The following CTNNA3 variants were observed in gnomAD, a reference collection of about 807,000 sequenced individuals.
CTNNA3 encodes catenin alpha 3, also known as catenin alpha-3.
CTNNA3 carries 76 observed loss-of-function variants against 95.7 expected under a neutral mutation model. That is an observed-to-expected ratio of 0.79 (90% CI 0.66 to 0.96). CTNNA3 has a LOEUF of 0.96. Among genes scored for constraint, CTNNA3 ranks in the 40% least tolerant of loss-of-function variants. The probability of loss-of-function intolerance (pLI) is 0.00; values close to 1 mark genes in which losing one functional copy is unlikely to be tolerated. For synonymous variants in CTNNA3, 431 were observed against 374.4 expected (o/e 1.15, Z -1.74); for missense variants, 1,191 against 1,089.8 (o/e 1.09, Z -1.31).
chr10:66,651,295 A>C (rs1845888063), intron 9 of CTNNA3, among the ~76,000 whole-genome samples: 1 of 152,284 alleles, frequency 6.6e-6, no homozygotes, highest in South Asian at 2.1e-4. Flanking sequence ...TGCATCCACA[A>C]ACCCTGAGCT....
chr10:66,756,353 A>G (rs1277393932), intron 9 of CTNNA3, among the ~76,000 whole-genome samples: 1 of 152,172 alleles, frequency 6.6e-6, no homozygotes, highest in Non-Finnish European at 1.5e-5. Context: ...TGATTTTGAA[A>G]ACTCAAATCT....
chr10:67,638,358 G>A (rs1318100116), intron 2 of CTNNA3, among the ~76,000 whole-genome samples: 2 of 152,120 alleles, frequency 1.3e-5, no homozygotes, highest in Non-Finnish European at 2.9e-5. Flanking sequence ...GATTCATAAA[G>A]CAAGTCCTTA....
chr10:67,496,103 T>C (rs1005119634), intron 5 of CTNNA3, among the ~76,000 whole-genome samples: 2 of 152,212 alleles, frequency 1.3e-5, no homozygotes, highest in Admixed American at 6.5e-5. Flanking sequence ...TAGTAGAAAG[T>C]ATTTACATAA....
At chr10:67,007,149 G>A (rs1852043384) in intron 7 of CTNNA3, among the ~76,000 whole-genome samples, 1 of 152,104 alleles carries the variant, frequency 6.6e-6, no homozygotes, top group African/African-American at 2.4e-5. Flanking sequence ...AGGTTCAAGA[G>A]CATTGTCAAT....
At chr10:66,068,824 C>T (rs1474436280) in intron 15 of CTNNA3, among the ~76,000 whole-genome samples, 2 of 152,152 alleles carry the variant, frequency 1.3e-5, no homozygotes, top group African/African-American at 4.8e-5. Context: ...AATATGCCCA[C>T]AATGTACATT....
At chr10:67,063,888 C>T (rs1855907108) in intron 7 of CTNNA3, among the ~76,000 whole-genome samples, 1 of 152,176 alleles carries the variant, frequency 6.6e-6, no homozygotes, top group African/African-American at 2.4e-5. Flanking sequence ...CTCTGGCCTC[C>T]TCTAGAAGGA....
intron 7 of CTNNA3, among the ~76,000 whole-genome samples, chr10:67,019,311 C>T (rs1003797407): frequency 2.0e-5 from 3 of 152,086 alleles, no homozygotes; most frequent in East Asian, 3.9e-4. Flanking sequence ...CTCTGCCTTC[C>T]GGGTCCAAGC....
chr10:66,033,127 C>T (rs1055633045), intron 15 of CTNNA3, among the ~76,000 whole-genome samples: 2 of 75,880 alleles, frequency 2.6e-5, no homozygotes, highest in African/African-American at 4.1e-5. Flanking sequence ...ATTTTTTTTT[C>T]TTTTTTTCTT....
chr10:67,643,658 A>C (rs111719265), intron 2 of CTNNA3, among the ~76,000 whole-genome samples: 9,422 of 151,694 alleles, frequency 0.062, 316 homozygotes, highest in South Asian at 0.1. Flanking sequence ...TACATTAGGT[A>C]TTTCTCCTAA....
At chr10:66,981,847 C>T (rs1297974181) in intron 7 of CTNNA3, among the ~76,000 whole-genome samples, 1 of 152,180 alleles carries the variant, frequency 6.6e-6, no homozygotes, top group Admixed American at 6.5e-5. Context: ...CATCTTCCTG[C>T]TGCTGCAGTG....
At chr10:66,324,991 G>C (rs1183206738) in intron 12 of CTNNA3, among the ~76,000 whole-genome samples, 1 of 151,862 alleles carries the variant, frequency 6.6e-6, no homozygotes, top group Non-Finnish European at 1.5e-5. Context: ...CTCAGCTGTG[G>C]AGAGAGGTCA....
At chr10:67,100,619 C>T (rs1589739285) in intron 7 of CTNNA3, among the ~76,000 whole-genome samples, 1 of 151,804 alleles carries the variant, frequency 6.6e-6, no homozygotes, top group Non-Finnish European at 1.5e-5. Context: ...ATTTAAACAA[C>T]TGAAATGTTT....
intron 7 of CTNNA3, among the ~76,000 whole-genome samples, chr10:66,881,991 T>G (rs1365848676): frequency 2.0e-5 from 3 of 152,058 alleles, no homozygotes; most frequent in Non-Finnish European, 2.9e-5. Flanking sequence ...ACAAATGACC[T>G]TCTCGAGTTG....
intron 3 of CTNNA3, among the ~76,000 whole-genome samples, chr10:67,577,066 C>G (rs1358376211): frequency 2.0e-5 from 3 of 150,640 alleles, no homozygotes; most frequent in Non-Finnish European, 4.4e-5. Context: ...TGGGTATATA[C>G]CCAGTAATGG....
intron 13 of CTNNA3, among the ~76,000 whole-genome samples, chr10:66,190,166 A>G (rs2086592884): frequency 6.6e-6 from 1 of 152,148 alleles, no homozygotes; most frequent in Non-Finnish European, 1.5e-5. Context: ...AGAATCTTGA[A>G]ATCAGTAGCA....
At chr10:66,551,727 T>G (rs569110406) in intron 10 of CTNNA3, among the ~76,000 whole-genome samples, 3 of 152,032 alleles carry the variant, frequency 2.0e-5, no homozygotes, top group Non-Finnish European at 4.4e-5. Flanking sequence ...TTAACTCAAG[T>G]TCCGTTTGTA....
intron 7 of CTNNA3, among the ~76,000 whole-genome samples, chr10:66,790,219 C>T (rs938904007): frequency 6.6e-6 from 1 of 152,082 alleles, no homozygotes; most frequent in Admixed American, 6.5e-5. Context: ...GGTGCCCAGG[C>T]GGGTGGATCG....
intron 5 of CTNNA3, among the ~76,000 whole-genome samples, chr10:67,466,027 T>C (rs375904303): frequency 1.3e-5 from 2 of 152,194 alleles, no homozygotes; most frequent in African/African-American, 4.8e-5. Flanking sequence ...TTAGTTTGTA[T>C]CTAAAATTCT....
intron 11 of CTNNA3, among the ~76,000 whole-genome samples, chr10:66,509,531 T>C (rs1403920537): frequency 6.6e-6 from 1 of 152,048 alleles, no homozygotes; most frequent in Non-Finnish European, 1.5e-5. Context: ...CCATTTTGAG[T>C]TGATTTTTTA....
Sources: gnomAD v4.1 joint callset for allele counts (sites outside exome capture counted in the v4.1 genomes callset) on GRCh38, gnomAD v4.1.1 for gene constraint, MANE v1.5 for transcripts, NCBI Gene and HGNC (gene_info 2026-07-23, HGNC 2026-07-21) for gene names.